The following TRPC7 variants were observed in gnomAD, a reference collection of about 807,000 sequenced individuals.
TRPC7 encodes the protein transient receptor potential cation channel subfamily C member 7.
A neutral mutation model predicts 90.1 loss-of-function variants in TRPC7; 42 were observed. The observed-to-expected ratio is 0.47, with a 90% CI of 0.36 to 0.60. TRPC7 has a LOEUF of 0.60. TRPC7 is among the 20% of genes least tolerant of loss of function. The pLI is 0.00. For synonymous variants in TRPC7, 451 were observed against 436.3 expected, an observed-to-expected ratio of 1.03 and a Z score of -0.42; for missense variants, 955 against 1,112.3, an observed-to-expected ratio of 0.86 and a Z score of 2.01.
chr5:136,325,893 A>C (rs1310097487), intron 2 of TRPC7, among the ~76,000 whole-genome samples: 1 of 152,206 alleles, frequency 6.6e-6, no homozygotes. Context: ...TGAGTAACAA[A>C]GGATCAAAGG....
chr5:136,216,972 G>A (rs142553069), intron 10 of TRPC7, among the ~76,000 whole-genome samples: 55 of 152,338 alleles, frequency 3.6e-4, no homozygotes, highest in Middle Eastern at 3.4e-3. Flanking sequence ...TTAAGCAGGC[G>A]AGGCATGAAT....
intron 2 of TRPC7, among the ~76,000 whole-genome samples, chr5:136,330,264 A>C (rs1367894644): frequency 6.6e-6 from 1 of 152,262 alleles, no homozygotes; most frequent in Non-Finnish European, 1.5e-5. Context: ...TATTACTGCC[A>C]TTGGTTATCA....
intron 8 of TRPC7, among the ~76,000 whole-genome samples, 166 bp downstream of exon 8, chr5:136,231,188 T>C (rs1755802308): frequency 6.6e-6 from 1 of 152,218 alleles, no homozygotes; most frequent in Non-Finnish European, 1.5e-5. Context: ...AGACTGACTT[T>C]GACTGCTTCT....
At chr5:136,273,572 T>C (rs780634047) in intron 4 of TRPC7, among the ~76,000 whole-genome samples, 10 of 152,192 alleles carry the variant, frequency 6.6e-5, no homozygotes, top group Non-Finnish European at 1.5e-4. Context: ...TTAGGTGGCC[T>C]CACCAGCAGC....
At chr5:136,305,513 C>T (rs1276561434) in intron 3 of TRPC7, among the ~76,000 whole-genome samples, 1 of 152,110 alleles carries the variant, frequency 6.6e-6, no homozygotes, top group East Asian at 1.9e-4. Flanking sequence ...AGGATTTTCC[C>T]CCACCCAGGA....
At chr5:136,278,532 T>A (rs1390548032) in intron 3 of TRPC7, among the ~76,000 whole-genome samples, 1 of 152,218 alleles carries the variant, frequency 6.6e-6, no homozygotes, top group African/African-American at 2.4e-5. Context: ...CTGCTGAATT[T>A]ATTTTCACTG....
chr5:136,280,802 A>C (rs1024888617), intron 3 of TRPC7, among the ~76,000 whole-genome samples: 2 of 152,218 alleles, frequency 1.3e-5, no homozygotes, highest in African/African-American at 4.8e-5. Flanking sequence ...TTTGTTGAGC[A>C]CTATTCTGTG....
intron 3 of TRPC7, among the ~76,000 whole-genome samples, chr5:136,310,886 T>A (rs988925184): frequency 2.6e-5 from 4 of 152,132 alleles, no homozygotes; most frequent in African/African-American, 9.7e-5. Context: ...TCTCTAGACC[T>A]CATAGGTGGT....
At chr5:136,255,000 T>C (rs1179671384) in intron 5 of TRPC7, among the ~76,000 whole-genome samples, 2 of 152,176 alleles carry the variant, frequency 1.3e-5, no homozygotes, top group Non-Finnish European at 2.9e-5. Context: ...GAATTAGAAG[T>C]AGGGCCTAAG....
chr5:136,259,206 T>C (rs1756776545), intron 5 of TRPC7, among the ~76,000 whole-genome samples: 1 of 152,204 alleles, frequency 6.6e-6, no homozygotes, highest in Non-Finnish European at 1.5e-5. Flanking sequence ...ATCCCCACTT[T>C]ACAGATGAAG....
chr5:136,307,858 G>C (rs989591971), intron 3 of TRPC7, among the ~76,000 whole-genome samples: 2 of 152,140 alleles, frequency 1.3e-5, no homozygotes, highest in Non-Finnish European at 2.9e-5. Flanking sequence ...GTTTCCATTG[G>C]CTACTTTGTT....
At chr5:136,246,809 A>C (rs774867759) in intron 7 of TRPC7, among the ~76,000 whole-genome samples, 1 of 152,208 alleles carries the variant, frequency 6.6e-6, no homozygotes, top group African/African-American at 2.4e-5. Context: ...CCACATATTG[A>C]GTTTACTACG....
chr5:136,337,854 A>T (rs1759714913), intron 2 of TRPC7, among the ~76,000 whole-genome samples: 1 of 152,062 alleles, frequency 6.6e-6, no homozygotes, highest in Admixed American at 6.6e-5. Context: ...GGCCCAAACC[A>T]CTGTTTTCAA....
At chr5:136,316,789 G>A (rs1759038964) in intron 2 of TRPC7, among the ~76,000 whole-genome samples, 1 of 152,162 alleles carries the variant, frequency 6.6e-6, no homozygotes, top group African/African-American at 2.4e-5. Flanking sequence ...TGGTTTCTTA[G>A]TTGAAAAGAG....
chr5:136,262,222 G>A (rs985584292), intron 5 of TRPC7, among the ~76,000 whole-genome samples: 3 of 152,136 alleles, frequency 2.0e-5, no homozygotes, highest in African/African-American at 7.2e-5. Flanking sequence ...TTTAAAAACT[G>A]AAGTCGTATG....
At chr5:136,273,396 C>T (rs1476955992) in intron 4 of TRPC7, among the ~76,000 whole-genome samples, 4 of 152,186 alleles carry the variant, frequency 2.6e-5, no homozygotes, top group Non-Finnish European at 5.9e-5. Flanking sequence ...GCATGATAAA[C>T]TGCCATAGAA....
intron 5 of TRPC7, among the ~76,000 whole-genome samples, chr5:136,257,193 T>C (rs528607073): frequency 5.9e-5 from 9 of 151,718 alleles, no homozygotes; most frequent in Non-Finnish European, 1.3e-4. Flanking sequence ...TTCTTTTTTT[T>C]TTTTTTTGCG....
intron 2 of TRPC7, among the ~76,000 whole-genome samples, chr5:136,336,121 T>A (rs374169371): frequency 1.3e-5 from 2 of 152,132 alleles, no homozygotes; most frequent in African/African-American, 4.8e-5. Flanking sequence ...TGCCAAACTC[T>A]TACTCATTCT....
intron 2 of TRPC7, among the ~76,000 whole-genome samples, chr5:136,327,785 C>T (rs1353630921): frequency 6.6e-6 from 1 of 152,178 alleles, no homozygotes; most frequent in Non-Finnish European, 1.5e-5. Flanking sequence ...CTTCAGTACC[C>T]TTTGGCTAAC....
Sources: allele counts gnomAD v4.1 joint callset (sites outside exome capture counted in the v4.1 genomes callset), GRCh38; gene constraint gnomAD v4.1.1; transcripts MANE v1.5; gene names NCBI Gene and HGNC (gene_info 2026-07-23, HGNC 2026-07-21).